Variants in SCP2 observed in about 807,000 individuals in gnomAD.
The protein encoded by SCP2 is sterol carrier protein 2.
SCP2 carries 48 observed loss-of-function variants against 71.4 expected under a neutral mutation model. The ratio of observed to expected loss-of-function variants is 0.67; its 90% CI spans 0.53 to 0.86. SCP2 has a LOEUF of 0.86. Among genes scored for constraint, SCP2 ranks in the 40% least tolerant of loss-of-function variants. SCP2 has a pLI of 0.00. For missense variants in SCP2, 560 were observed against 655.6 expected (o/e 0.85, Z 1.59); for synonymous variants, 220 against 218.1 (o/e 1.01, Z -0.08).
chr1:53,022,935 A>ATAC (rs1661854539), intron 12 of SCP2, among the ~76,000 whole-genome samples: 1 of 152,186 alleles, frequency 6.6e-6, no homozygotes. Flanking sequence ...CAATGTTTAT[A>ATAC]TACTAGATTT....
chr1:53,038,286 A>G (rs1663169619), intron 13 of SCP2, among the ~76,000 whole-genome samples: 1 of 139,986 alleles, frequency 7.1e-6, no homozygotes, highest in South Asian at 2.3e-4. Flanking sequence ...GCAGGTTGGG[A>G]TCTCTACATT....
At chr1:52,978,872 T>C (rs893038858) in intron 9 of SCP2, among the ~76,000 whole-genome samples, 1 of 152,112 alleles carries the variant, frequency 6.6e-6, no homozygotes, top group Non-Finnish European at 1.5e-5. Context: ...ACAAAGATGA[T>C]TTTAATGAAC....
At chr1:52,953,167 T>C (rs1184247779) in intron 4 of SCP2, among the ~76,000 whole-genome samples, 2 of 151,886 alleles carry the variant, frequency 1.3e-5, no homozygotes, top group Non-Finnish European at 2.9e-5. Context: ...ATAATTCTTT[T>C]GAGATTTTCA....
At chr1:53,036,285 T>C (rs1662947350) in intron 13 of SCP2, among the ~76,000 whole-genome samples, 1 of 149,310 alleles carries the variant, frequency 6.7e-6, no homozygotes, top group Admixed American at 6.7e-5. Flanking sequence ...ATATATACTA[T>C]ATTTTATTTA....
At position 52,939,576 on chromosome 1, in the gene SCP2, A is replaced by G. The variant is rs571743597; in HGVS notation, c.70-2220A>G. On this transcript the variant is annotated intron_variant, in intron 1 of 15. Coordinates refer to ENST00000371514, the MANE Select transcript of SCP2 (RefSeq NM_002979.5). ...AACAAAACAACAACAAAAAACACCC[A>G]TTTGTAGGTTTTTATATGGACATAA... Among the ~76,000 whole-genome samples, 8 of 152,186 alleles carry G rather than the reference A, an allele frequency of 5.3e-5. No homozygotes were observed. The East Asian group carries it at 1.5e-3, about 29-fold the overall frequency.
chr1:53,030,271 G>A (rs1000973287), intron 13 of SCP2, among the ~76,000 whole-genome samples: 1 of 152,122 alleles, frequency 6.6e-6, no homozygotes, highest in Non-Finnish European at 1.5e-5. Context: ...ATATCAGGTT[G>A]TATTTAACAT....
intron 13 of SCP2, among the ~76,000 whole-genome samples, chr1:53,038,683 G>A (rs549509002): frequency 6.6e-6 from 1 of 152,246 alleles, no homozygotes; most frequent in Non-Finnish European, 1.5e-5. Context: ...GAGATTACAG[G>A]AATGAGCCAC....
intron 13 of SCP2, among the ~76,000 whole-genome samples, chr1:53,030,149 A>C (rs918357932): frequency 1.3e-5 from 2 of 152,086 alleles, no homozygotes; most frequent in Non-Finnish European, 2.9e-5. Flanking sequence ...TGGCCTCCCA[A>C]AGTGCTGGGA....
At chr1:52,968,631 G>T (rs925229342) in intron 6 of SCP2, among the ~76,000 whole-genome samples, 3 of 152,120 alleles carry the variant, frequency 2.0e-5, no homozygotes, top group African/African-American at 7.2e-5. Context: ...ATGAAACCCT[G>T]TACCCATTAG....
intron 1 of SCP2, among the ~76,000 whole-genome samples, chr1:52,930,876 T>A (rs971865484): frequency 6.6e-6 from 1 of 152,212 alleles, no homozygotes; most frequent in Non-Finnish European, 1.5e-5. Flanking sequence ...ATTACTGTTA[T>A]AATTTATCAT....
chr1:52,964,669 C>G (rs1432767631), intron 6 of SCP2, among the ~76,000 whole-genome samples: 1 of 152,046 alleles, frequency 6.6e-6, no homozygotes, highest in East Asian at 1.9e-4. Flanking sequence ...TAACATTTTG[C>G]CATGCTTGTT....
chr1:52,948,624 C>CAAAA (rs567151231), intron 3 of SCP2, among the ~76,000 whole-genome samples: 3 of 49,536 alleles, frequency 6.1e-5, no homozygotes, highest in Non-Finnish European at 1.4e-4. Context: ...GACTCCATCT[C>CAAAA]AAAAAAAAAA....
In SCP2 at chr1:53,050,711, C is replaced by T. The variant is rs10888761; in HGVS notation, c.*7C>T. 2 of 1,582,298 alleles carry T rather than the reference C, an allele frequency of 1.3e-6. No homozygotes were observed. The highest frequency in any genetic ancestry group is 1.3e-5 in the African/African-American group (1 of 74,126). On this transcript the variant is annotated 3_prime_UTR_variant, in exon 16 of 16. Coordinates refer to ENST00000371514, the MANE Select transcript of SCP2 (RefSeq NM_002979.5). Reference sequence around the variant, plus strand: ...AGGCAACGCTAAGCTCTGAAGAACTCCCTTTGGCTACTTTTGAAAATCAAG... The same window carrying T: ...AGGCAACGCTAAGCTCTGAAGAACTTCCTTTGGCTACTTTTGAAAATCAAG...
chr1:52,955,706 G>A (rs1033778575), intron 5 of SCP2, among the ~76,000 whole-genome samples: 2 of 152,020 alleles, frequency 1.3e-5, no homozygotes, highest in African/African-American at 4.8e-5. Context: ...TTCTTCTGGA[G>A]GAAAGCACCT....
intron 5 of SCP2, among the ~76,000 whole-genome samples, chr1:52,960,480 A>ATGTGTGTGTG (rs71044447): frequency 0.015 from 2,143 of 139,570 alleles, 74 homozygotes; most frequent in African/African-American, 0.049. Context: ...TACTATGTAT[A>ATGTGTGTGTG]TGTGTGTGTG....
intron 11 of SCP2, chr1:52,995,299 A>T (rs1344417830): frequency 6.2e-6 from 3 of 482,654 alleles, no homozygotes; most frequent in Non-Finnish European, 1.2e-5. Context: ...GGTAGAGAAC[A>T]CTGATGAGAC....
chr1:52,929,956 G>A (rs937157679), intron 1 of SCP2, among the ~76,000 whole-genome samples: 1 of 152,166 alleles, frequency 6.6e-6, no homozygotes, highest in African/African-American at 2.4e-5. Context: ...AGTCACAGCT[G>A]CCGTCTGGCT....
chr1:52,979,136 T>G (rs72899339), intron 9 of SCP2, among the ~76,000 whole-genome samples: 2,570 of 152,218 alleles, frequency 0.017, 44 homozygotes, highest in African/African-American at 0.057. Flanking sequence ...GGTTTCCTGG[T>G]TATAGTACAT....
At chr1:53,028,122 C>A in intron 13 of SCP2, 51 bp downstream of exon 13, 1 of 1,026,388 alleles carries the variant, frequency 9.7e-7, no homozygotes, top group East Asian at 2.4e-5. Flanking sequence ...CTAGAGGAAG[C>A]AGACACAGGT....
Sources: allele counts gnomAD v4.1 joint callset (sites outside exome capture counted in the v4.1 genomes callset), GRCh38; gene constraint gnomAD v4.1.1; transcripts MANE v1.5; gene names NCBI Gene and HGNC (gene_info 2026-07-23, HGNC 2026-07-21).